ATXN2: variants seen among roughly 807,000 people sequenced by gnomAD.
ATXN2 encodes the protein ataxin 2.
In ATXN2, 37 loss-of-function variants were observed where a neutral mutation model predicts 138.6. The observed-to-expected ratio is 0.27, with a 90% CI of 0.21 to 0.35. The LOEUF is 0.35. ATXN2 is among the 10% of genes least tolerant of loss of function. The probability of loss-of-function intolerance (pLI) is 1.00; values close to 1 mark genes in which losing one functional copy is unlikely to be tolerated. For synonymous variants in ATXN2, 549 were observed against 543.7 expected, an observed-to-expected ratio of 1.01 and a Z score of -0.13; for missense variants, 1,216 against 1,480.3, an observed-to-expected ratio of 0.82 and a Z score of 2.93.
In ATXN2 at chr12:111,511,223, G is replaced by A. The variant is rs553006369; in HGVS notation, c.1559-641C>T. The A allele has an allele frequency of 1.1e-4, 17 of 151,350 alleles. No individual in the cohort carries two copies. In the South Asian group the frequency reaches 3.5e-3, roughly 31 times the overall value. 9.4% of individuals were successfully genotyped at this position (151,350 alleles called of 1,614,324 possible). On this transcript the variant is annotated intron_variant, in intron 11 of 24. Transcript: ENST00000673436. ...TCAGATTCAAAGGTTTAGAGAAAAT[G>A]GTTCGATTATTTCATTTCAGTGTTT... is the stretch of plus-strand genomic sequence containing the variant.
chr12:111,510,500 A>G lies in ATXN2; in HGVS notation c.1641T>C (p.Leu547=). 1 of 1,614,164 alleles carries G rather than the reference A, an allele frequency of 6.2e-7. No homozygotes were observed. The highest frequency in any genetic ancestry group is 1.1e-5 in the South Asian group (1 of 91,082). The change falls in exon 12 of 25, where the codon CTT becomes CTC. Residue 547 remains leucine, a synonymous_variant. Coordinates refer to ENST00000673436, the MANE Select transcript of ATXN2 (RefSeq NM_001372574.1). ...GAATAATACCAGCTTGGGGAGAAGCAAGAACTGGCCCACTGGGGGTATTTC... is the reference window on the plus strand; with the variant it reads ...GAATAATACCAGCTTGGGGAGAAGCGAGAACTGGCCCACTGGGGGTATTTC... The part of the protein sequence containing the change: ...SIGNTPSGPV[L]ASPQAGIIPT...
intron 5 of ATXN2, among the ~76,000 whole-genome samples, chr12:111,536,734 C>T (rs1881199051): frequency 1.3e-5 from 2 of 150,388 alleles, no homozygotes; most frequent in Non-Finnish European, 3.0e-5. Flanking sequence ...AGTATGCATA[C>T]ACACACACCC....
intron 5 of ATXN2, among the ~76,000 whole-genome samples, chr12:111,542,172 CTACTT>C (rs1881556387): frequency 6.8e-6 from 1 of 147,464 alleles, no homozygotes; most frequent in Non-Finnish European, 1.5e-5. Context: ...TTAGCCAAAT[CTACTT>C]TTATGTCTCC....
chr12:111,548,784 T>C (rs780557918), intron 5 of ATXN2, among the ~76,000 whole-genome samples: 1 of 152,194 alleles, frequency 6.6e-6, no homozygotes, highest in Non-Finnish European at 1.5e-5. Flanking sequence ...TGGAGTGCAG[T>C]GGCATGATCT....
At chr12:111,475,962 A>G (rs1876789227) in intron 18 of ATXN2, among the ~76,000 whole-genome samples, 1 of 151,368 alleles carries the variant, frequency 6.6e-6, no homozygotes. Context: ...GCATACACAC[A>G]CACTTTAAAT....
chr12:111,565,684 G>A (rs187942780), intron 1 of ATXN2, among the ~76,000 whole-genome samples: 13 of 152,156 alleles, frequency 8.5e-5, no homozygotes, highest in Non-Finnish European at 1.9e-4. Context: ...TATTCCCTGA[G>A]ATATAACAAT....
intron 18 of ATXN2, among the ~76,000 whole-genome samples, chr12:111,474,009 C>A (rs1876610371): frequency 1.3e-5 from 2 of 152,142 alleles, no homozygotes. Context: ...CCTTGGGAGT[C>A]AAGGCAGGCA....
intron 18 of ATXN2, among the ~76,000 whole-genome samples, chr12:111,480,818 T>C (rs138949847): frequency 2.0e-5 from 3 of 152,288 alleles, no homozygotes; most frequent in East Asian, 1.9e-4. Context: ...TAGACTTAAA[T>C]GTTAAGAGCT....
At chr12:111,551,662 C>A (rs569886780) in intron 5 of ATXN2, among the ~76,000 whole-genome samples, 80 of 152,134 alleles carry the variant, frequency 5.3e-4, no homozygotes, top group African/African-American at 1.9e-3. Flanking sequence ...CATTGTAGGC[C>A]AAATGGGACA....
chr12:111,598,028 G>A lies in ATXN2; in HGVS notation c.251+756C>T. On this transcript the variant is annotated intron_variant, in intron 1 of 24. Transcript: ENST00000673436. This position sits in a 1 kb window ranked among gnomAD's most constrained non-coding sequence, Gnocchi z 4.5. ...GAAGGAGGAAGGCCGGGACGGGGCC[G>A]GGCACTCCCCACCCCTTCCCTTCCC... The A allele has an allele frequency of 8.4e-7, 1 of 1,188,800 alleles. No individual in the cohort carries two copies. The highest frequency in any genetic ancestry group is 1.1e-6 in the Non-Finnish European group (1 of 940,296). The allele number at this position is 1,188,800 out of a possible 1,614,324, so 73.6% of individuals were successfully genotyped here.
intron 1 of ATXN2, among the ~76,000 whole-genome samples, chr12:111,571,010 C>T (rs1472436508): frequency 1.3e-5 from 2 of 152,226 alleles, no homozygotes; most frequent in Non-Finnish European, 2.9e-5. Flanking sequence ...AGTTACTGAG[C>T]ACTTATTACT....
Position 111,599,194 on chromosome 12 carries a change from G to C in ATXN2, c.-160C>G. On this transcript the variant is annotated 5_prime_UTR_variant, in exon 1 of 25. Transcript: ENST00000673436. ...CGCCCGGGCTGGCGAGGGGGAGAAGGAGGACGACGAAGGGGCGGGGAGGCC... is the reference window on the plus strand; with the variant it reads ...CGCCCGGGCTGGCGAGGGGGAGAAGCAGGACGACGAAGGGGCGGGGAGGCC... The C allele has an allele frequency of 8.3e-7, 1 of 1,204,114 alleles. No individual in the cohort carries two copies. The highest frequency in any genetic ancestry group is 4.1e-5 in the South Asian group (1 of 24,520). The allele number at this position is 1,204,114 out of a possible 1,614,324, so 74.6% of individuals were successfully genotyped here.
chr12:111,471,472 T>C (rs1005490061), intron 18 of ATXN2: 2 of 152,250 alleles, frequency 1.3e-5, no homozygotes, highest in Non-Finnish European at 2.9e-5. Context: ...TACAGCACTA[T>C]TGTCTGTGAC....
chr12:111,460,956 A>G (rs935776097), intron 21 of ATXN2, among the ~76,000 whole-genome samples: 5 of 152,236 alleles, frequency 3.3e-5, no homozygotes, highest in Admixed American at 3.3e-4. Flanking sequence ...AAACAAAAAC[A>G]AAATCCTTTC....
intron 22 of ATXN2, among the ~76,000 whole-genome samples, 158 bp from the exon 23 acceptor site, chr12:111,456,414 C>T (rs942950537): frequency 7.8e-6 from 1 of 127,872 alleles, no homozygotes; most frequent in Admixed American, 7.3e-5. Flanking sequence ...GCTGGAGGTG[C>T]CTCCCATCTG....
Position 111,598,973 on chromosome 12 carries a change from TGCTGTTGCTGCTGC to T in ATXN2, c.48_61del (p.Gln17AlafsTer68). 6.7e-7 allele frequency: 1 copy of T among 1,495,516 alleles called. No homozygotes were observed. Among genetic ancestry groups the T allele is most frequent in the Non-Finnish European group, 8.9e-7 (1 of 1,126,456 alleles). The allele number at this position is 1,495,516 out of a possible 1,614,324, so 92.6% of individuals were successfully genotyped here. A position where few individuals can be genotyped will look rare whatever the true frequency, so the allele number is the denominator to read the frequency against. On this transcript the variant is annotated frameshift_variant, in exon 1 of 25. Coordinates refer to ENST00000673436, the MANE Select transcript of ATXN2 (RefSeq NM_001372574.1). LOFTEE classifies it high-confidence loss of function. This position sits in a 1 kb window ranked among gnomAD's most constrained non-coding sequence, Gnocchi z 4.5. ...CGGCTGCTGCTGCTGCTGCTGCTGC[TGCTGTTGCTGCTGC>T]TGCTGCTGCTGCTGCTGCTGCTGCT...
rs777961278 is a variant in ATXN2 at position 111,555,867 on chromosome 12, C to T, written c.288+16G>A. ...GCTACTAATTTTCCCCAATAAGTAACATTAAAGTTACTCACCGTAGACTGA... is the reference window on the plus strand; with the variant it reads ...GCTACTAATTTTCCCCAATAAGTAATATTAAAGTTACTCACCGTAGACTGA... On this transcript the variant is annotated intron_variant, in intron 2 of 24. Transcript: ENST00000673436. 6.3e-7 allele frequency: 1 copy of T among 1,591,230 alleles called. No homozygotes were observed. The highest frequency in any genetic ancestry group is 1.1e-5 in the South Asian group (1 of 88,212).
chr12:111,543,221 C>T (rs1246077346), intron 5 of ATXN2, among the ~76,000 whole-genome samples: 1 of 152,096 alleles, frequency 6.6e-6, no homozygotes, highest in Non-Finnish European at 1.5e-5. Flanking sequence ...AAGTTGAGGC[C>T]GTAAACAGCT....
chr12:111,528,846 T>C (rs183620698), intron 5 of ATXN2, among the ~76,000 whole-genome samples: 5 of 152,350 alleles, frequency 3.3e-5, no homozygotes, highest in Admixed American at 2.6e-4. Flanking sequence ...CATCATTAGC[T>C]AGAAAGGAAG....
Sources: allele counts gnomAD v4.1 joint callset (sites outside exome capture counted in the v4.1 genomes callset), GRCh38; gene constraint gnomAD v4.1.1; non-coding constraint Gnocchi (gnomAD v3.1); transcripts MANE v1.5; gene names NCBI Gene and HGNC (gene_info 2026-07-23, HGNC 2026-07-21).